The following PMM2 variants were observed in gnomAD, a reference collection of about 807,000 sequenced individuals.
The protein encoded by PMM2 is phosphomannomutase 2.
A neutral mutation model predicts 33.2 loss-of-function variants in PMM2; 35 were observed. The ratio of observed to expected loss-of-function variants is 1.06; its 90% CI spans 0.81 to 1.40. The LOEUF (loss-of-function observed/expected upper bound fraction) is 1.40. PMM2 is among the 40% of genes most tolerant of loss of function. The pLI is 0.00. For synonymous variants in PMM2, 153 were observed against 114.7 expected (o/e 1.33, Z -2.13); for missense variants, 386 against 306.0 (o/e 1.26, Z -1.95).
At chr16:8,832,304 G>T (rs1208659741) in intron 7 of PMM2, 3 of 985,442 alleles carry the variant, frequency 3.0e-6, no homozygotes, top group East Asian at 2.3e-4. Flanking sequence ...AAAGCGGGTG[G>T]AGCTGAGAAG....
At position 8,797,957 on chromosome 16, in the gene PMM2, CGGCCGGCG is replaced by C. The variant is rs1596481910; in HGVS notation, c.66+13_66+20del. 2.5e-6 allele frequency: 4 copies of C among 1,596,040 alleles called. No individual in the cohort carries two copies. In the South Asian group the frequency reaches 4.5e-5, roughly 18 times the overall value. ...TCACCGCCCCGCGGCAGGTAAGTGGCGGCCGGCGGGCTGCTGGCAGCCGACGCGGAGCC... is the reference window on the plus strand; with the variant it reads ...TCACCGCCCCGCGGCAGGTAAGTGGCGGCTGCTGGCAGCCGACGCGGAGCC... On this transcript the variant is annotated intron_variant, in intron 1 of 7. Coordinates refer to ENST00000268261, the MANE Select transcript of PMM2 (RefSeq NM_000303.3).
chr16:8,846,142 C>T (rs2060924291), intron 7 of PMM2, among the ~76,000 whole-genome samples: 1 of 152,164 alleles, frequency 6.6e-6, no homozygotes, highest in African/African-American at 2.4e-5. Flanking sequence ...TGACTCCACC[C>T]AGCACTCCCT....
intron 7 of PMM2, among the ~76,000 whole-genome samples, chr16:8,845,378 T>C (rs12923490): frequency 3.9e-5 from 6 of 152,274 alleles, no homozygotes; most frequent in South Asian, 2.1e-4. Flanking sequence ...TGTGGATCTT[T>C]AGTTACTTCA....
At chr16:8,808,747 A>C (rs1018725017) in intron 4 of PMM2, 1 of 152,236 alleles carries the variant, frequency 6.6e-6, no homozygotes, top group Non-Finnish European at 1.5e-5. Flanking sequence ...TTTTCTGATC[A>C]TTAGGACCTT....
intron 7 of PMM2, among the ~76,000 whole-genome samples, chr16:8,823,250 C>T (rs1397198973): frequency 1.3e-5 from 2 of 152,002 alleles, no homozygotes; most frequent in East Asian, 1.9e-4. Flanking sequence ...CTTCAGCTTG[C>T]AGGGCCTCAG....
Position 8,847,906 on chromosome 16 carries a change from C to G in PMM2, c.*81C>G, listed in dbSNP as rs886052458. 4.8e-6 allele frequency: 5 copies of G among 1,041,616 alleles called. No individual in the cohort carries two copies. The Admixed American group carries it at 5.4e-5, about 11-fold the overall frequency. The allele number at this position is 1,041,616 out of a possible 1,614,324, so 64.5% of individuals were successfully genotyped here. A position where few individuals can be genotyped will look rare whatever the true frequency, so the allele number is the denominator to read the frequency against. On this transcript the variant is annotated 3_prime_UTR_variant, in exon 8 of 8. Coordinates refer to ENST00000268261, the MANE Select transcript of PMM2 (RefSeq NM_000303.3). ...GGCCAGAGCCGAGGGTCCTCCCACA[C>G]GTGCTCACCCACCCGCAGCCTAGGC... is the stretch of plus-strand genomic sequence containing the variant.
At chr16:8,802,584 T>C (rs1381820630) in intron 2 of PMM2, among the ~76,000 whole-genome samples, 2 of 152,174 alleles carry the variant, frequency 1.3e-5, no homozygotes, top group Admixed American at 6.5e-5. Flanking sequence ...ATCCCAGCAC[T>C]TGGGGAGGCC....
At chr16:8,814,855 C>G (rs2060697484) in intron 7 of PMM2, among the ~76,000 whole-genome samples, 1 of 152,132 alleles carries the variant, frequency 6.6e-6, no homozygotes, top group South Asian at 2.1e-4. Flanking sequence ...GAGATATTCC[C>G]TCTTAACAAG....
intron 7 of PMM2, among the ~76,000 whole-genome samples, chr16:8,841,142 T>G (rs2141045724): frequency 6.6e-6 from 1 of 151,716 alleles, no homozygotes; most frequent in Non-Finnish European, 1.5e-5. Context: ...TAAAAGACCA[T>G]TAGTCCGTTC....
At chr16:8,827,138 G>A (rs1463770594) in intron 7 of PMM2, among the ~76,000 whole-genome samples, 2 of 152,000 alleles carry the variant, frequency 1.3e-5, no homozygotes, top group African/African-American at 4.8e-5. Context: ...TACACTTCTT[G>A]GGGTTTTATG....
At chr16:8,803,282 G>A (rs2060626351) in intron 2 of PMM2, among the ~76,000 whole-genome samples, 1 of 152,010 alleles carries the variant, frequency 6.6e-6, no homozygotes, top group Non-Finnish European at 1.5e-5. Context: ...CATTTTCCTG[G>A]TAGATCTCCT....
intron 7 of PMM2, among the ~76,000 whole-genome samples, chr16:8,823,254 G>T (rs1323551375): frequency 2.0e-5 from 3 of 152,164 alleles, no homozygotes; most frequent in Middle Eastern, 3.4e-3. Context: ...AGCTTGCAGG[G>T]CCTCAGGAAA....
At chr16:8,799,182 C>T (rs1231785765) in intron 1 of PMM2, among the ~76,000 whole-genome samples, 3 of 152,156 alleles carry the variant, frequency 2.0e-5, no homozygotes, top group Non-Finnish European at 4.4e-5. Context: ...ATAAGAGTGG[C>T]TGTGTACCAA....
chr16:8,835,446 C>T (rs1035687528), intron 7 of PMM2, among the ~76,000 whole-genome samples: 14 of 151,858 alleles, frequency 9.2e-5, no homozygotes, highest in Non-Finnish European at 1.8e-4. Flanking sequence ...GTGTCAGGGT[C>T]ATCTAACTGA....
chr16:8,813,396 C>T (rs754964104), intron 7 of PMM2, among the ~76,000 whole-genome samples: 4 of 152,292 alleles, frequency 2.6e-5, no homozygotes, highest in South Asian at 2.1e-4. Context: ...TACCAGTCCC[C>T]GGTGCCACTG....
intron 7 of PMM2, among the ~76,000 whole-genome samples, chr16:8,822,215 A>G (rs1176038017): frequency 6.6e-6 from 1 of 152,126 alleles, no homozygotes; most frequent in Non-Finnish European, 1.5e-5. Flanking sequence ...TTTTCTTGCT[A>G]TCTTCTGTTC....
At chr16:8,845,691 G>GAAT (rs1457217843) in intron 7 of PMM2, among the ~76,000 whole-genome samples, 5 of 151,836 alleles carry the variant, frequency 3.3e-5, no homozygotes, top group African/African-American at 4.8e-5. Flanking sequence ...TGATTCTCCT[G>GAAT]CCAAGCAGCT....
intron 7 of PMM2, among the ~76,000 whole-genome samples, chr16:8,837,787 A>G (rs1053632585): frequency 1.3e-5 from 2 of 152,068 alleles, no homozygotes; most frequent in Admixed American, 6.5e-5. Context: ...GCGTCCCTGC[A>G]TGGTCTGACA....
intron 7 of PMM2, among the ~76,000 whole-genome samples, chr16:8,845,487 A>C (rs1022597045): frequency 2.6e-5 from 4 of 152,092 alleles, no homozygotes; most frequent in Admixed American, 2.0e-4. Context: ...GTGTTGTGTT[A>C]ATGTGTGAAT....
Sources: allele counts gnomAD v4.1 joint callset (sites outside exome capture counted in the v4.1 genomes callset), GRCh38; gene constraint gnomAD v4.1.1; transcripts MANE v1.5; gene names NCBI Gene and HGNC (gene_info 2026-07-23, HGNC 2026-07-21).